ZFYVE9: variants seen among roughly 807,000 people sequenced by gnomAD.
ZFYVE9 encodes zinc finger FYVE domain-containing protein 9.
In ZFYVE9, 43 loss-of-function variants were observed where a neutral mutation model predicts 126.7. The ratio of observed to expected loss-of-function variants is 0.34; its 90% CI spans 0.27 to 0.44. The LOEUF (loss-of-function observed/expected upper bound fraction) is 0.44. Ranked by LOEUF, ZFYVE9 falls within the 20% of genes least tolerant of loss-of-function variation. The pLI is 1.00. For synonymous variants in ZFYVE9, 521 were observed against 597.4 expected, an observed-to-expected ratio of 0.87 and a Z score of 1.87; for missense variants, 1,476 against 1,697.0, an observed-to-expected ratio of 0.87 and a Z score of 2.29.
chr1:52,224,019 T>C (rs1015651764), intron 2 of ZFYVE9, among the ~76,000 whole-genome samples: 1 of 152,162 alleles, frequency 6.6e-6, no homozygotes, highest in African/African-American at 2.4e-5. Context: ...AACAGTGGTT[T>C]GAGTTCCTTT....
chr1:52,312,962 C>T (rs1646151789), intron 13 of ZFYVE9, among the ~76,000 whole-genome samples: 1 of 152,008 alleles, frequency 6.6e-6, no homozygotes, highest in African/African-American at 2.4e-5. Flanking sequence ...GGTCGAAATC[C>T]AATATGACTG....
intron 4 of ZFYVE9, among the ~76,000 whole-genome samples, chr1:52,258,569 T>C (rs1645545775): frequency 1.3e-5 from 2 of 152,164 alleles, no homozygotes; most frequent in Non-Finnish European, 2.9e-5. Flanking sequence ...TGGTAGACAA[T>C]TTCATCTTGA....
chr1:52,318,801 A>G (rs1646211571), intron 13 of ZFYVE9, among the ~76,000 whole-genome samples: 1 of 152,146 alleles, frequency 6.6e-6, no homozygotes, highest in Non-Finnish European at 1.5e-5. Flanking sequence ...ATAGAAATTT[A>G]ATAACGATAC....
In ZFYVE9 at chr1:52,295,817, A is replaced by G. The variant is rs997644070; in HGVS notation, c.3251-78A>G. The G allele has an allele frequency of 9.9e-6, 12 of 1,210,746 alleles. No homozygotes were observed. The African/African-American group carries it at 1.8e-4, about 19-fold the overall frequency. 75.0% of individuals were successfully genotyped at this position (1,210,746 alleles called of 1,614,324 possible). Reference sequence around the variant, plus strand: ...GAGCCATTATAATTATATTTTGAAAATTGTATTAGTCATGAAATCTCTTTT... The same window carrying G: ...GAGCCATTATAATTATATTTTGAAAGTTGTATTAGTCATGAAATCTCTTTT... On this transcript the variant is annotated intron_variant, in intron 11 of 18. Transcript: ENST00000287727.
chr1:52,198,883 T>G (rs1176971066), intron 1 of ZFYVE9, among the ~76,000 whole-genome samples: 1 of 152,206 alleles, frequency 6.6e-6, no homozygotes, highest in African/African-American at 2.4e-5. Flanking sequence ...CATGGATACA[T>G]CATTATCACC....
At chr1:52,254,605 A>G (rs1183038346) in intron 4 of ZFYVE9, among the ~76,000 whole-genome samples, 1 of 152,208 alleles carries the variant, frequency 6.6e-6, no homozygotes, top group Non-Finnish European at 1.5e-5. Context: ...AAACAAGTGC[A>G]GTAAACAAAA....
At chr1:52,341,583 G>A (rs2147877627) in intron 17 of ZFYVE9, among the ~76,000 whole-genome samples, 1 of 152,266 alleles carries the variant, frequency 6.6e-6, no homozygotes, top group South Asian at 2.1e-4. Context: ...CATTTGTAAA[G>A]GATTAAATTA....
intron 1 of ZFYVE9, chr1:52,162,801 G>T: frequency 2.9e-6 from 1 of 339,478 alleles, no homozygotes. Flanking sequence ...GTGGTATCTG[G>T]ATCAAGAGTG....
At chr1:52,253,735 G>C (rs760315312) in intron 4 of ZFYVE9, 46 of 1,607,970 alleles carry the variant, frequency 2.9e-5, no homozygotes, top group Non-Finnish European at 3.9e-5. Context: ...TTGCAAACCA[G>C]GATTTGGAGT....
chr1:52,154,227 C>A (rs943595697), intron 1 of ZFYVE9, among the ~76,000 whole-genome samples: 44 of 152,310 alleles, frequency 2.9e-4, no homozygotes, highest in African/African-American at 7.5e-4. Context: ...AATGTCTAAT[C>A]CTGTGAAGAT....
chr1:52,293,642 T>C lies in ZFYVE9; in HGVS notation c.3215T>C (p.Ile1072Thr). 1.2e-6 allele frequency: 2 copies of C among 1,614,116 alleles called. No individual in the cohort carries two copies. Among genetic ancestry groups the C allele is most frequent in the Non-Finnish European group, 1.7e-6 (2 of 1,180,008 alleles). The change falls in exon 11 of 19, where the codon ATC becomes ACC. Residue 1072 changes from isoleucine (I) to threonine (T), a missense_variant. Ile to Thr is a moderately conservative substitution (Grantham distance 89, BLOSUM62 -1). Transcript: ENST00000287727. ...ACTCCTTGGGCTAAAGTATTTCCTA[T>C]CCGTCTGATGTTGAGACTTGGAGCT... is the stretch of plus-strand genomic sequence containing the variant. ...WETPWAKVFP[I>T]RLMLRLGAEY...
At position 52,306,888 on chromosome 1, in the gene ZFYVE9, C is replaced by T. The variant is rs74379987; in HGVS notation, c.3438+2963C>T. 5.3e-3 allele frequency among the ~76,000 whole-genome samples: 812 copies of T among 152,342 alleles called. 9 individuals carry two copies. The highest frequency in any genetic ancestry group is 0.019 in the African/African-American group (773 of 41,580). ...GACTGTGTGCAGTGGCCGGAACCCACGCTTGCTTTCTCACACACCCCTTGC... is the reference window on the plus strand; with the variant it reads ...GACTGTGTGCAGTGGCCGGAACCCATGCTTGCTTTCTCACACACCCCTTGC... On this transcript the variant is annotated intron_variant, in intron 13 of 18. Transcript: ENST00000287727.
At chr1:52,259,772 G>C (rs1244606772) in intron 4 of ZFYVE9, among the ~76,000 whole-genome samples, 1 of 152,134 alleles carries the variant, frequency 6.6e-6, no homozygotes, top group Non-Finnish European at 1.5e-5. Flanking sequence ...ACTCCAGCCT[G>C]GGCGACACAG....
chr1:52,155,234 C>CTTTTTTTTTTTT (rs202048189), intron 1 of ZFYVE9, among the ~76,000 whole-genome samples: 2 of 129,090 alleles, frequency 1.5e-5, no homozygotes, highest in Admixed American at 7.8e-5. Context: ...TCTTTTTTTT[C>CTTTTTTTTTTTT]TTTTTTTTTT....
At chr1:52,301,720 T>C (rs935856561) in intron 12 of ZFYVE9, among the ~76,000 whole-genome samples, 13 of 152,226 alleles carry the variant, frequency 8.5e-5, no homozygotes, top group African/African-American at 3.1e-4. Flanking sequence ...GCTTTTTGAA[T>C]CTATGGGTTT....
intron 2 of ZFYVE9, among the ~76,000 whole-genome samples, chr1:52,221,660 T>A (rs964132413): frequency 5.3e-5 from 8 of 152,090 alleles, no homozygotes; most frequent in Non-Finnish European, 1.2e-4. Context: ...GGGTCAAGGA[T>A]TTTTGACAGG....
chr1:52,255,980 C>G (rs1557484317), intron 4 of ZFYVE9, among the ~76,000 whole-genome samples: 1 of 107,844 alleles, frequency 9.3e-6, no homozygotes, highest in Non-Finnish European at 1.9e-5. Flanking sequence ...TTCTTTCTTT[C>G]TTTCCTTCCT....
intron 12 of ZFYVE9, among the ~76,000 whole-genome samples, chr1:52,299,605 G>GT (rs1646013363): frequency 6.6e-6 from 1 of 152,308 alleles, no homozygotes; most frequent in African/African-American, 2.4e-5. Context: ...CCAGCTGTGT[G>GT]TTGGTTTCTC....
chr1:52,221,550 T>C (rs1645124638), intron 2 of ZFYVE9, among the ~76,000 whole-genome samples: 1 of 152,206 alleles, frequency 6.6e-6, no homozygotes, highest in Admixed American at 6.5e-5. Context: ...GAGGGGTACT[T>C]ATGATGAGGT....
Sources: allele counts gnomAD v4.1 joint callset (sites outside exome capture counted in the v4.1 genomes callset), GRCh38; gene constraint gnomAD v4.1.1; transcripts MANE v1.5; gene names NCBI Gene and HGNC (gene_info 2026-07-23, HGNC 2026-07-21).